Variants in PHLPP1 observed in about 807,000 individuals in gnomAD.
PHLPP1 encodes the protein PH domain leucine-rich repeat-containing protein phosphatase 1.
A neutral mutation model predicts 117.2 loss-of-function variants in PHLPP1; 42 were observed. That is an observed-to-expected ratio of 0.36 (90% confidence interval 0.28 to 0.46). The LOEUF (loss-of-function observed/expected upper bound fraction) is 0.46, where lower values mean the gene tolerates loss of function less well. Ranked by LOEUF, PHLPP1 falls within the 20% of genes least tolerant of loss-of-function variation. PHLPP1 has a pLI of 1.00. For synonymous variants in PHLPP1, 1,042 were observed against 970.7 expected, an observed-to-expected ratio of 1.07 and a Z score of -1.37; for missense variants, 2,084 against 2,241.9, an observed-to-expected ratio of 0.93 and a Z score of 1.42.
chr18:62,978,594 T>C lies in PHLPP1; in HGVS notation c.4317T>C (p.Ala1439=), dbSNP rs1205021766. Residue 1439 remains alanine, a synonymous_variant, in exon 17 of 17, where the codon GCT becomes GCC. Transcript: ENST00000262719. The surrounding 1 kb of genome is among the most constrained non-coding windows in gnomAD (Gnocchi z 7.0). ...FCCCELSAGG[A]VPPPSPGIFP... ...GCTGCGAGCTCAGCGCCGGTGGGGCTGTGCCACCACCCAGTCCTGGCATCT... is the reference window on the plus strand; with the variant it reads ...GCTGCGAGCTCAGCGCCGGTGGGGCCGTGCCACCACCCAGTCCTGGCATCT... 1.3e-5 allele frequency: 21 copies of C among 1,612,722 alleles called. No homozygotes were observed. The highest frequency in any genetic ancestry group is 1.6e-5 in the Non-Finnish European group (19 of 1,178,896).
At chr18:62,874,558 G>A (rs1915989466) in intron 4 of PHLPP1, among the ~76,000 whole-genome samples, 1 of 152,146 alleles carries the variant, frequency 6.6e-6, no homozygotes, top group South Asian at 2.1e-4. Flanking sequence ...TCCAGTTCAG[G>A]TTGCTGGTGG....
At chr18:62,913,455 A>G (rs1362259098) in intron 8 of PHLPP1, among the ~76,000 whole-genome samples, 2 of 152,200 alleles carry the variant, frequency 1.3e-5, no homozygotes, top group Non-Finnish European at 1.5e-5. Context: ...ATAGTGCATA[A>G]TTCCACCACC....
chr18:62,734,781 TAC>T (rs950788745), intron 1 of PHLPP1, among the ~76,000 whole-genome samples: 5 of 152,222 alleles, frequency 3.3e-5, no homozygotes, highest in Non-Finnish European at 4.4e-5. Flanking sequence ...TGAAAATTTT[TAC>T]AGAGACTTCA....
chr18:62,853,462 C>T (rs1225837793), intron 3 of PHLPP1, among the ~76,000 whole-genome samples: 1 of 151,778 alleles, frequency 6.6e-6, no homozygotes, highest in Non-Finnish European at 1.5e-5. Context: ...CTCTGCCTCT[C>T]GGGTTCAAGC....
chr18:62,841,132 C>A (rs1240958857), intron 3 of PHLPP1, among the ~76,000 whole-genome samples: 1 of 152,070 alleles, frequency 6.6e-6, no homozygotes, highest in Non-Finnish European at 1.5e-5. Context: ...AAGTGATCCA[C>A]CTGCCTTGAC....
intron 11 of PHLPP1, among the ~76,000 whole-genome samples, chr18:62,942,407 A>G (rs1278561738): frequency 6.6e-6 from 1 of 152,178 alleles, no homozygotes; most frequent in East Asian, 1.9e-4. Context: ...CTAATAGGGT[A>G]TGTGGGAATT....
chr18:62,896,949 T>C (rs1317742103), intron 6 of PHLPP1, among the ~76,000 whole-genome samples: 2 of 152,238 alleles, frequency 1.3e-5, no homozygotes, highest in African/African-American at 2.4e-5. Context: ...TAAAAGTGGT[T>C]ATAATTTATC....
At chr18:62,806,509 C>CT (rs1219604406) in intron 1 of PHLPP1, among the ~76,000 whole-genome samples, 1 of 152,024 alleles carries the variant, frequency 6.6e-6, no homozygotes, top group Non-Finnish European at 1.5e-5. Context: ...TTAGTTGATT[C>CT]TTTTTTTGCT....
At chr18:62,735,628 T>C (rs1351057601) in intron 1 of PHLPP1, among the ~76,000 whole-genome samples, 1 of 151,898 alleles carries the variant, frequency 6.6e-6, no homozygotes, top group Non-Finnish European at 1.5e-5. Flanking sequence ...ACCCTCTTGG[T>C]TTTAAGAAAC....
At chr18:62,797,718 T>G (rs1000845530) in intron 1 of PHLPP1, among the ~76,000 whole-genome samples, 1 of 152,202 alleles carries the variant, frequency 6.6e-6, no homozygotes, top group Non-Finnish European at 1.5e-5. Context: ...TTTGTATACC[T>G]TTAAGTGTCT....
At chr18:62,946,730 A>G (rs1453143688) in intron 12 of PHLPP1, among the ~76,000 whole-genome samples, 3 of 152,212 alleles carry the variant, frequency 2.0e-5, no homozygotes, top group African/African-American at 7.2e-5. Flanking sequence ...CTCATACATC[A>G]CAGTGGCATT....
At chr18:62,781,195 C>T (rs1471837659) in intron 1 of PHLPP1, among the ~76,000 whole-genome samples, 1 of 152,062 alleles carries the variant, frequency 6.6e-6, no homozygotes, top group Non-Finnish European at 1.5e-5. Flanking sequence ...TTTGGGAGAG[C>T]TTAAGTAAAT....
At chr18:62,790,850 G>A (rs2144289400) in intron 1 of PHLPP1, among the ~76,000 whole-genome samples, 1 of 152,276 alleles carries the variant, frequency 6.6e-6, no homozygotes, top group South Asian at 2.1e-4. Context: ...GATGATTCTT[G>A]AGGATGAAGT....
intron 10 of PHLPP1, among the ~76,000 whole-genome samples, chr18:62,923,193 G>A (rs1909528036): frequency 6.6e-6 from 1 of 152,180 alleles, no homozygotes; most frequent in African/African-American, 2.4e-5. Context: ...GGGACCGTGG[G>A]GGACAATTTG....
intron 3 of PHLPP1, among the ~76,000 whole-genome samples, chr18:62,859,421 A>G (rs1266686058): frequency 1.3e-5 from 2 of 152,222 alleles, no homozygotes; most frequent in Admixed American, 1.3e-4. Context: ...AAGGCATTGA[A>G]CATCTGGATA....
At chr18:62,835,883 C>A (rs947859034) in intron 2 of PHLPP1, among the ~76,000 whole-genome samples, 1 of 147,642 alleles carries the variant, frequency 6.8e-6, no homozygotes, top group African/African-American at 2.5e-5. Context: ...CGGGTTCAAG[C>A]GATTCTCCTG....
chr18:62,736,070 G>T (rs924760473), intron 1 of PHLPP1, among the ~76,000 whole-genome samples: 2 of 152,142 alleles, frequency 1.3e-5, no homozygotes, highest in East Asian at 3.8e-4. Flanking sequence ...GCACCGAAAG[G>T]GGGCAGAGAG....
intron 14 of PHLPP1, among the ~76,000 whole-genome samples, chr18:62,964,070 A>G (rs1305034612): frequency 6.6e-6 from 1 of 152,126 alleles, no homozygotes; most frequent in African/African-American, 2.4e-5. Flanking sequence ...AAATGTAACC[A>G]GGCTTTTCAG....
Position 62,717,190 on chromosome 18 carries a change from G to C in PHLPP1, c.1507G>C (p.Gly503Arg). 6.2e-7 allele frequency: 1 copy of C among 1,613,346 alleles called. No individual in the cohort carries two copies. The highest frequency in any genetic ancestry group is 8.5e-7 in the Non-Finnish European group (1 of 1,179,652). Residue 503 changes from glycine (G) to arginine (R), a missense_variant, in exon 1 of 17, where the codon GGG becomes CGG. Coordinates refer to ENST00000262719, the MANE Select transcript of PHLPP1 (RefSeq NM_194449.4). ...QNDYLFQLGF[G>R]ELWRVQEEGM... ...TGACTACCTCTTCCAACTGGGATTT[G>C]GGGAGCTGTGGAGGGTGCAGGAGGA...
Sources: gnomAD v4.1 joint callset for allele counts (sites outside exome capture counted in the v4.1 genomes callset) on GRCh38, gnomAD v4.1.1 for gene constraint, Gnocchi (gnomAD v3.1) non-coding constraint, MANE v1.5 for transcripts, NCBI Gene and HGNC (gene_info 2026-07-23, HGNC 2026-07-21) for gene names.